PPID: variants seen among roughly 807,000 people sequenced by gnomAD.
PPID encodes peptidyl-prolyl cis-trans isomerase D.
In PPID, 47 loss-of-function variants were observed where a neutral mutation model predicts 48.1. The ratio of observed to expected loss-of-function variants is 0.98; its 90% CI spans 0.77 to 1.25. The LOEUF (loss-of-function observed/expected upper bound fraction) is 1.25, where lower values mean the gene tolerates loss of function less well. Among genes scored for constraint, PPID ranks in the 50% most tolerant of loss-of-function variants. PPID has a pLI of 0.00. For missense variants in PPID, 429 were observed against 443.5 expected, an observed-to-expected ratio of 0.97 and a Z score of 0.29; for synonymous variants, 163 against 148.8, an observed-to-expected ratio of 1.10 and a Z score of -0.69.
At chr4:158,713,043 G>T in intron 7 of PPID, 76 bp downstream of exon 7, 1 of 1,422,994 alleles carries the variant, frequency 7.0e-7, no homozygotes. Flanking sequence ...ATATATTAAT[G>T]TATATAAAAG....
intron 9 of PPID, 85 bp from the exon 10 acceptor site, chr4:158,709,909 C>G: frequency 8.9e-7 from 1 of 1,127,732 alleles, no homozygotes; most frequent in South Asian, 1.4e-5. Context: ...ATGTTAACTA[C>G]CCCTTGAAAA....
At chr4:158,713,293 G>A in intron 6 of PPID, 33 bp from the exon 7 acceptor site, 1 of 1,546,598 alleles carries the variant, frequency 6.5e-7, no homozygotes. Context: ...CAGTATGAAA[G>A]ACCACATAAA....
At chr4:158,711,579 T>A (rs1406340730) in intron 7 of PPID, among the ~76,000 whole-genome samples, 1 of 152,102 alleles carries the variant, frequency 6.6e-6, no homozygotes, top group African/African-American at 2.4e-5. Context: ...ATGCATCAGG[T>A]CTCTCCCCTA....
chr4:158,722,352 T>TGCA (rs1242180013), intron 1 of PPID, among the ~76,000 whole-genome samples: 2 of 152,244 alleles, frequency 1.3e-5, no homozygotes, highest in African/African-American at 4.8e-5. Flanking sequence ...TACGTATACC[T>TGCA]GCAGCCTTTG....
chr4:158,712,321 C>T lies in PPID; in HGVS notation c.894+798G>A, dbSNP rs2126328343. 2.0e-5 allele frequency among the ~76,000 whole-genome samples: 3 copies of T among 152,254 alleles called. No individual in the cohort carries two copies. The Middle Eastern group carries it at 0.01, about 518-fold the overall frequency. ...TCTCCATACACAAGTCCTGATGAAC[C>T]TAAATTGAAACTGACCCCCTCCTAT... On this transcript the variant is annotated intron_variant, in intron 7 of 9. Transcript: ENST00000307720.
At chr4:158,710,470 G>C (rs1451422351) in intron 9 of PPID, 158 bp downstream of exon 9, 1 of 727,320 alleles carries the variant, frequency 1.4e-6, no homozygotes, top group African/African-American at 1.8e-5. Flanking sequence ...GACTTTGACT[G>C]TCTTGTTCAT....
chr4:158,715,111 C>A (rs1290540687), intron 6 of PPID, among the ~76,000 whole-genome samples, 186 bp downstream of exon 6: 1 of 151,096 alleles, frequency 6.6e-6, no homozygotes, highest in Non-Finnish European at 1.5e-5. Context: ...TTATGTACTA[C>A]TCGTTCAACT....
At chr4:158,716,653 T>C (rs1456358220) in intron 4 of PPID, among the ~76,000 whole-genome samples, 5 of 152,054 alleles carry the variant, frequency 3.3e-5, no homozygotes, top group Non-Finnish European at 7.4e-5. Flanking sequence ...CTTTTACTTA[T>C]ATTTCTTTAA....
chr4:158,719,073 G>A, intron 3 of PPID, 107 bp downstream of exon 3: 1 of 658,640 alleles, frequency 1.5e-6, no homozygotes, highest in Non-Finnish European at 2.5e-6. Flanking sequence ...ACAAGAAATG[G>A]AGAATCTAAG....
chr4:158,711,824 G>A (rs1774795345), intron 7 of PPID, among the ~76,000 whole-genome samples: 1 of 152,012 alleles, frequency 6.6e-6, no homozygotes, highest in Non-Finnish European at 1.5e-5. Context: ...AAAATCAGCT[G>A]GGTATGGTGG....
intron 4 of PPID, 121 bp downstream of exon 4, chr4:158,716,891 A>T: frequency 1.0e-6 from 1 of 966,724 alleles, no homozygotes; most frequent in Non-Finnish European, 1.6e-6. Context: ...AACCTGGGAG[A>T]CAGAGGCTGC....
intron 4 of PPID, among the ~76,000 whole-genome samples, chr4:158,716,433 C>A (rs1403619774): frequency 6.6e-6 from 1 of 152,038 alleles, no homozygotes; most frequent in Non-Finnish European, 1.5e-5. Context: ...ACTATACATA[C>A]CAACTGAACA....
intron 9 of PPID, chr4:158,710,344 G>C: frequency 2.0e-6 from 1 of 508,588 alleles, no homozygotes; most frequent in Non-Finnish European, 3.5e-6. Context: ...GATACCATAA[G>C]ACAAACAGTA....
chr4:158,723,251 G>A lies in PPID; in HGVS notation c.38C>T (p.Pro13Leu). The A allele has an allele frequency of 6.2e-7, 1 of 1,614,086 alleles. No homozygotes were observed. Among genetic ancestry groups the A allele is most frequent in the Non-Finnish European group, 8.5e-7 (1 of 1,180,024 alleles). The change falls in exon 1 of 10, where the codon CCC becomes CTC. Residue 13 changes from proline to leucine, a missense_variant. By Grantham distance (98) the Pro-to-Leu change is moderately conservative. Coordinates refer to ENST00000307720, the MANE Select transcript of PPID (RefSeq NM_005038.3). ...HPSPQAKPSN[P>L]SNPRVFFDVD... Reference sequence around the variant, plus strand: ...GTCAAAGAAGACTCGAGGGTTACTGGGGTTGGAGGGCTTGGCTTGGGGGGA... The same window carrying A: ...GTCAAAGAAGACTCGAGGGTTACTGAGGTTGGAGGGCTTGGCTTGGGGGGA...
At chr4:158,713,399 T>TA (rs1774820957) in intron 6 of PPID, 139 bp from the exon 7 acceptor site, 1 of 997,868 alleles carries the variant, frequency 1.0e-6, no homozygotes, top group Non-Finnish European at 1.4e-6. Context: ...TCACACTTTT[T>TA]AAAATTTTTA....
At position 158,723,216 on chromosome 4, in the gene PPID, C is replaced by G; in HGVS notation, c.73G>C (p.Gly25Arg). ...NPRVFFDVDI[G>R]GERVGRIVLE... is the part of the protein sequence containing the mutation. Reference sequence around the variant, plus strand: ...AGACTCCGCTCACCTCGCTCCCCTCCGATGTCCACGTCAAAGAAGACTCGA... The same window carrying G: ...AGACTCCGCTCACCTCGCTCCCCTCGGATGTCCACGTCAAAGAAGACTCGA... The change falls in exon 1 of 10, where the codon GGA (glycine) becomes CGA (arginine). Residue 25 changes from glycine to arginine, a missense_variant. Transcript: ENST00000307720. 1 of 1,613,824 alleles carries G rather than the reference C, an allele frequency of 6.2e-7. No individual in the cohort carries two copies. Among genetic ancestry groups the G allele is most frequent in the Non-Finnish European group, 8.5e-7 (1 of 1,179,876 alleles).
chr4:158,710,378 A>G lies in PPID; in HGVS notation c.1024+250T>C. ...TATTTAGACATATAAAAAACTACAG[A>G]GATGATAACTTGAAGAATAAATAAC... On this transcript the variant is annotated intron_variant, in intron 9 of 9. Transcript: ENST00000307720. 4 of 573,630 alleles carry G rather than the reference A, an allele frequency of 7.0e-6. No homozygotes were observed. In the South Asian group the frequency reaches 8.5e-5, roughly 12 times the overall value. 35.5% of individuals were successfully genotyped at this position (573,630 alleles called of 1,614,324 possible).
chr4:158,709,591 C>A lies in PPID; in HGVS notation c.*145G>T. On this transcript the variant is annotated 3_prime_UTR_variant, in exon 10 of 10. Coordinates refer to ENST00000307720, the MANE Select transcript of PPID (RefSeq NM_005038.3). Reference sequence around the variant, plus strand: ...TGTGACATGTTTATTAAGCATGAACCCCTATCAGTACTCCTAAACTGTAAA... The same window carrying A: ...TGTGACATGTTTATTAAGCATGAACACCTATCAGTACTCCTAAACTGTAAA... 2 of 579,414 alleles carry A rather than the reference C, an allele frequency of 3.5e-6. No homozygotes were observed. The highest frequency in any genetic ancestry group is 6.0e-6 in the Non-Finnish European group (2 of 334,822). 35.9% of individuals were successfully genotyped at this position (579,414 alleles called of 1,614,324 possible). A position where few individuals can be genotyped will look rare whatever the true frequency, so the allele number is the denominator to read the frequency against.
chr4:158,713,912 A>G (rs759691661), intron 6 of PPID, among the ~76,000 whole-genome samples: 4 of 152,148 alleles, frequency 2.6e-5, no homozygotes, highest in Non-Finnish European at 4.4e-5. Flanking sequence ...AAAACTACCC[A>G]TAAGATATCC....
Sources: gnomAD v4.1 joint callset for allele counts (sites outside exome capture counted in the v4.1 genomes callset) on GRCh38, gnomAD v4.1.1 for gene constraint, MANE v1.5 for transcripts, NCBI Gene and HGNC (gene_info 2026-07-23, HGNC 2026-07-21) for gene names.